ADGRB3: variants seen among roughly 807,000 people sequenced by gnomAD.
The protein encoded by ADGRB3 is adhesion G protein-coupled receptor B3.
A neutral mutation model predicts 193.4 loss-of-function variants in ADGRB3; 37 were observed. The observed-to-expected ratio is 0.19, with a 90% CI of 0.15 to 0.25. The LOEUF (loss-of-function observed/expected upper bound fraction) is 0.25. ADGRB3 is among the 10% of genes least tolerant of loss of function. The pLI is 1.00. For synonymous variants in ADGRB3, 690 were observed against 644.2 expected (o/e 1.07, Z -1.08); for missense variants, 1,637 against 1,852.9 (o/e 0.88, Z 2.14).
intron 20 of ADGRB3, among the ~76,000 whole-genome samples, chr6:69,259,759 T>G (rs982543833): frequency 6.6e-6 from 1 of 151,704 alleles, no homozygotes; most frequent in Admixed American, 6.6e-5. Context: ...CCTTATTCTC[T>G]ATTCGCAATA....
At chr6:68,700,814 C>T (rs1262135327) in intron 3 of ADGRB3, among the ~76,000 whole-genome samples, 2 of 123,868 alleles carry the variant, frequency 1.6e-5, no homozygotes, top group Non-Finnish European at 3.2e-5. Context: ...CACACCGGGG[C>T]CTGTCGTAGG....
chr6:69,347,627 A>T (rs908925587), intron 26 of ADGRB3, among the ~76,000 whole-genome samples: 5 of 152,058 alleles, frequency 3.3e-5, no homozygotes, highest in African/African-American at 4.8e-5. Flanking sequence ...AAAAAAATTT[A>T]AAAAACATTT....
intron 13 of ADGRB3, among the ~76,000 whole-genome samples, chr6:69,038,124 C>T (rs1770928403): frequency 6.6e-6 from 1 of 152,136 alleles, no homozygotes; most frequent in Non-Finnish European, 1.5e-5. Flanking sequence ...CTACAATGAT[C>T]TCTTTTCCTT....
chr6:68,815,612 T>A (rs1229650266), intron 3 of ADGRB3, among the ~76,000 whole-genome samples: 2 of 129,782 alleles, frequency 1.5e-5, no homozygotes, highest in African/African-American at 6.9e-5. Context: ...ATTGTGTGTG[T>A]GTGTGTGTGT....
intron 20 of ADGRB3, among the ~76,000 whole-genome samples, chr6:69,308,623 C>T (rs1000363081): frequency 7.9e-5 from 12 of 151,286 alleles, no homozygotes; most frequent in South Asian, 2.1e-4. Context: ...TAGGAAAATG[C>T]GAAAGAAGAG....
chr6:68,782,690 T>C (rs1341506546), intron 3 of ADGRB3, among the ~76,000 whole-genome samples: 2 of 152,268 alleles, frequency 1.3e-5, no homozygotes, highest in South Asian at 2.1e-4. Flanking sequence ...TGGTATTTCA[T>C]TGTGGTTTTG....
intron 3 of ADGRB3, among the ~76,000 whole-genome samples, chr6:68,839,562 G>A (rs1159995339): frequency 6.6e-6 from 1 of 152,060 alleles, no homozygotes; most frequent in Admixed American, 6.6e-5. Flanking sequence ...ACTCCTATTG[G>A]CCATGTGGAC....
intron 3 of ADGRB3, among the ~76,000 whole-genome samples, chr6:68,800,218 A>G (rs972485933): frequency 2.6e-5 from 4 of 152,226 alleles, no homozygotes; most frequent in Non-Finnish European, 5.9e-5. Context: ...CAGTGTACAG[A>G]AAAAGAAGAG....
At chr6:69,129,148 C>A (rs1582483177) in intron 17 of ADGRB3, among the ~76,000 whole-genome samples, 1 of 152,142 alleles carries the variant, frequency 6.6e-6, no homozygotes, top group Admixed American at 6.5e-5. Context: ...TTACTATTAT[C>A]TTCTTTAGAC....
In ADGRB3 at chr6:69,279,359, T is replaced by G. The variant is rs537826676; in HGVS notation, c.2814+40133T>G. Among the ~76,000 whole-genome samples the G allele has an allele frequency of 3.0e-3, 458 of 151,942 alleles. 2 individuals carry two copies. Among genetic ancestry groups the G allele is most frequent in the African/African-American group, 0.01 (433 of 41,472 alleles). Reference sequence around the variant, plus strand: ...GCTGACTGGAAGCTGCAGCTCACTCTTGTTGCCCAGAATGGTGGGAGCATT... The same window carrying G: ...GCTGACTGGAAGCTGCAGCTCACTCGTGTTGCCCAGAATGGTGGGAGCATT... On this transcript the variant is annotated intron_variant, in intron 20 of 31. Coordinates refer to ENST00000370598, the MANE Select transcript of ADGRB3 (RefSeq NM_001704.3).
At chr6:69,385,734 T>C (rs1259826080) in intron 31 of ADGRB3, among the ~76,000 whole-genome samples, 1 of 152,076 alleles carries the variant, frequency 6.6e-6, no homozygotes, top group Non-Finnish European at 1.5e-5. Flanking sequence ...ACACCTCCAT[T>C]GAAACCTTTC....
chr6:69,055,475 T>C (rs1353832231), intron 15 of ADGRB3, among the ~76,000 whole-genome samples: 13 of 152,234 alleles, frequency 8.5e-5, no homozygotes, highest in Admixed American at 8.5e-4. Flanking sequence ...TTTTTCTTTT[T>C]ATACGGCTGA....
intron 20 of ADGRB3, among the ~76,000 whole-genome samples, chr6:69,305,900 C>CA (rs1322100117): frequency 1.3e-5 from 2 of 151,320 alleles, no homozygotes; most frequent in Non-Finnish European, 2.9e-5. Flanking sequence ...TGCAATGTTC[C>CA]AAAAACCAAA....
At chr6:68,852,379 A>G (rs1396138029) in intron 3 of ADGRB3, among the ~76,000 whole-genome samples, 1 of 151,964 alleles carries the variant, frequency 6.6e-6, no homozygotes, top group Non-Finnish European at 1.5e-5. Context: ...ATTAAGTAAC[A>G]TTGAAAAATT....
intron 3 of ADGRB3, among the ~76,000 whole-genome samples, chr6:68,896,549 C>T (rs895842821): frequency 2.6e-5 from 4 of 152,056 alleles, no homozygotes; most frequent in Non-Finnish European, 4.4e-5. Context: ...CTTTTCTGAA[C>T]TACAAACTTT....
chr6:69,182,171 A>T (rs1167838979), intron 17 of ADGRB3, among the ~76,000 whole-genome samples: 1 of 152,206 alleles, frequency 6.6e-6, no homozygotes, highest in Non-Finnish European at 1.5e-5. Context: ...CACACGTATA[A>T]AACTGGGTTA....
At chr6:68,964,424 C>G (rs1768319611) in intron 8 of ADGRB3, among the ~76,000 whole-genome samples, 1 of 152,090 alleles carries the variant, frequency 6.6e-6, no homozygotes, top group Admixed American at 6.6e-5. Flanking sequence ...TCTTCAGTAG[C>G]CTTGCCTACT....
In ADGRB3 at chr6:68,661,538, C is replaced by CAT. The variant is rs66836065; in HGVS notation, c.757+22138_757+22139dup. On this transcript the variant is annotated intron_variant, in intron 3 of 31. Transcript: ENST00000370598. ...GTGTATACATATATATATGTGTATA[C>CAT]ATATATATATATATATATATATATA... 7.2e-3 allele frequency among the ~76,000 whole-genome samples: 664 copies of CAT among 91,756 alleles called. 49 individuals are homozygous for CAT. The highest frequency in any genetic ancestry group is 0.014 in the East Asian group (26 of 1,888). 60.2% of individuals were successfully genotyped at this position (91,756 alleles called of 152,430 possible).
At chr6:68,828,911 A>G (rs553375749) in intron 3 of ADGRB3, among the ~76,000 whole-genome samples, 29 of 152,258 alleles carry the variant, frequency 1.9e-4, no homozygotes, top group Admixed American at 3.3e-4. Context: ...ACAGAAATAT[A>G]AAATAGCATA....
Sources: gnomAD v4.1 joint callset for allele counts (sites outside exome capture counted in the v4.1 genomes callset) on GRCh38, gnomAD v4.1.1 for gene constraint, MANE v1.5 for transcripts, NCBI Gene and HGNC (gene_info 2026-07-23, HGNC 2026-07-21) for gene names.